Variants in SYNE1 observed in about 807,000 individuals in gnomAD.
The protein encoded by SYNE1 is nesprin-1.
Under a neutral mutation model 1,111.0 loss-of-function variants are expected in SYNE1, and 616 were observed. The observed-to-expected ratio is 0.55, with a 90% confidence interval of 0.52 to 0.59. The LOEUF (loss-of-function observed/expected upper bound fraction) is 0.59. Among genes scored for constraint, SYNE1 ranks in the 20% least tolerant of loss-of-function variants. The pLI, the probability that SYNE1 is intolerant of heterozygous loss-of-function variation, is 0.00. For missense variants in SYNE1, 10,006 were observed against 10,417.0 expected, an observed-to-expected ratio of 0.96 and a Z score of 1.72; for synonymous variants, 3,855 against 3,825.8, an observed-to-expected ratio of 1.01 and a Z score of -0.28.
intron 11 of SYNE1, among the ~76,000 whole-genome samples, chr6:152,489,296 A>G (rs2098957508): frequency 6.6e-6 from 1 of 152,172 alleles, no homozygotes; most frequent in African/African-American, 2.4e-5. Flanking sequence ...ATGCAACTCC[A>G]GCATCTCACT....
In SYNE1 at chr6:152,625,748, T is replaced by C. The variant is rs368799666; in HGVS notation, c.67+2517A>G. Among the ~76,000 whole-genome samples the C allele has an allele frequency of 4.5e-4, 69 of 152,266 alleles. No homozygotes were observed. The East Asian group carries it at 0.012, about 27-fold the overall frequency. ...GAGTGTACAAAACTATTAACATTCC[T>C]CCAAAAATCCGGATAGTTAGAAAAA... On this transcript the variant is annotated intron_variant, in intron 3 of 145. Coordinates refer to ENST00000367255, the MANE Select transcript of SYNE1 (RefSeq NM_182961.4).
intron 3 of SYNE1, among the ~76,000 whole-genome samples, chr6:152,611,464 G>A (rs1341611394): frequency 1.3e-5 from 2 of 152,116 alleles, no homozygotes; most frequent in Admixed American, 1.3e-4. Flanking sequence ...AAATATATAT[G>A]CACCCAATAC....
At chr6:152,498,140 T>C (rs2099009852) in intron 11 of SYNE1, among the ~76,000 whole-genome samples, 1 of 152,232 alleles carries the variant, frequency 6.6e-6, no homozygotes, top group Admixed American at 6.5e-5. Flanking sequence ...ACCTGTGGCC[T>C]AGATGGAACA....
intron 128 of SYNE1, among the ~76,000 whole-genome samples, chr6:152,187,804 C>T (rs1030881829): frequency 1.3e-5 from 2 of 152,278 alleles, no homozygotes; most frequent in East Asian, 1.9e-4. Context: ...CAGCTCACTG[C>T]AACCTCCGGC....
At chr6:152,306,214 G>T (rs924854290) in intron 91 of SYNE1, among the ~76,000 whole-genome samples, 98 of 152,252 alleles carry the variant, frequency 6.4e-4, no homozygotes, top group African/African-American at 2.3e-3. Context: ...GGCCAGTCGT[G>T]GTGGCTCACT....
At chr6:152,397,763 G>A (rs1158465501) in intron 49 of SYNE1, among the ~76,000 whole-genome samples, 1 of 152,124 alleles carries the variant, frequency 6.6e-6, no homozygotes, top group Non-Finnish European at 1.5e-5. Context: ...CACTTTGAGA[G>A]GCCAAGGCGG....
chr6:152,250,071 G>A (rs4870087), intron 104 of SYNE1, among the ~76,000 whole-genome samples: 17 of 150,914 alleles, frequency 1.1e-4, no homozygotes, highest in Non-Finnish European at 1.9e-4. Context: ...AAGACCAGCC[G>A]GGGCAACACA....
At position 152,502,710 on chromosome 6, in the gene SYNE1, T is replaced by C. The variant is rs373660055; in HGVS notation, c.811A>G (p.Ile271Val). Residue 271 changes from isoleucine to valine, a missense_variant, in exon 10 of 146, where the codon ATT becomes GTT. Ile to Val is a conservative substitution (Grantham distance 29). Coordinates refer to ENST00000367255, the MANE Select transcript of SYNE1 (RefSeq NM_182961.4). ...AGAAACTGGGCTACATAGGTCATAA[T>C]AGATTTCTCATCTGGTTTATCCACA... Reference protein sequence around the residue: ...VDVDKPDEKSIMTYVAQFLKH... With the variant: ...VDVDKPDEKSVMTYVAQFLKH... 8 of 1,613,666 alleles carry C rather than the reference T, an allele frequency of 5.0e-6. No homozygotes were observed. Among genetic ancestry groups the C allele is most frequent in the African/African-American group, 1.3e-5 (1 of 74,912 alleles).
chr6:152,160,618 C>T (rs1471248251), intron 131 of SYNE1, among the ~76,000 whole-genome samples: 1 of 152,142 alleles, frequency 6.6e-6, no homozygotes, highest in Admixed American at 6.5e-5. Context: ...TTTCCTCTCA[C>T]TTTCATGTAT....
intron 100 of SYNE1, among the ~76,000 whole-genome samples, chr6:152,267,187 T>C (rs2092796680): frequency 6.6e-6 from 1 of 152,206 alleles, no homozygotes. Flanking sequence ...TCCTCCTTTA[T>C]GTTACTTCCC....
intron 38 of SYNE1, 89 bp downstream of exon 38, chr6:152,427,604 T>C (rs746530905): frequency 1.3e-6 from 2 of 1,487,986 alleles, no homozygotes; most frequent in Non-Finnish European, 1.9e-6. Flanking sequence ...AGAAGGGAGG[T>C]ACAAGTTTAT....
rs1270880264 is a variant in SYNE1 at position 152,520,485 on chromosome 6, C to T, written c.283G>A (p.Ala95Thr). ...TTTCTTCCTTCGAGGAACTTGAGTG[C>T]CGTGCCAATGTTAGCCACAGCATGG... ...RIHAVANIGTALKFLEGRKIK... is the reference protein window; with the variant it reads ...RIHAVANIGTTLKFLEGRKIK... Residue 95 changes from alanine (A) to threonine (T), a missense_variant, in exon 6 of 146, where the codon GCA (alanine) becomes ACA (threonine). Ala to Thr is a moderately conservative substitution (Grantham distance 58). Coordinates refer to ENST00000367255, the MANE Select transcript of SYNE1 (RefSeq NM_182961.4). The T allele has an allele frequency of 4.3e-6, 7 of 1,613,572 alleles. No homozygotes were observed. Among genetic ancestry groups the T allele is most frequent in the South Asian group, 1.1e-5 (1 of 91,072 alleles).
chr6:152,154,746 C>T, intron 133 of SYNE1, 146 bp downstream of exon 133: 2 of 868,136 alleles, frequency 2.3e-6, no homozygotes, highest in Non-Finnish European at 3.8e-6. Context: ...CGTATGAGGT[C>T]ATAATAAAGA....
At position 152,382,978 on chromosome 6, in the gene SYNE1, C is replaced by T. The variant is rs558174160; in HGVS notation, c.8653-1616G>A. On this transcript the variant is annotated intron_variant, in intron 55 of 145. Transcript: ENST00000367255. ...CATATGTACATTCCCGCCCTCACAC[C>T]CATATACATTTTGCTTTAGAGTTGC... Among the ~76,000 whole-genome samples, 3 of 152,312 alleles carry T rather than the reference C, an allele frequency of 2.0e-5. No homozygotes were observed. The East Asian group carries it at 5.8e-4, about 29-fold the overall frequency.
chr6:152,308,863 G>A (rs574225592), intron 90 of SYNE1, among the ~76,000 whole-genome samples: 21 of 152,286 alleles, frequency 1.4e-4, no homozygotes, highest in African/African-American at 4.8e-4. Flanking sequence ...TAAGTGGTTA[G>A]GATTCTTTCT....
In SYNE1 at chr6:152,153,962, G is replaced by T. The variant is rs368296604; in HGVS notation, c.24129+930C>A. On this transcript the variant is annotated intron_variant, in intron 133 of 145. Coordinates refer to ENST00000367255, the MANE Select transcript of SYNE1 (RefSeq NM_182961.4). Reference sequence around the variant, plus strand: ...AGAAAATGCCTGGTTACCTGATGTTGCAAGGTAAAAATGAATGCAGCTACA... The same window carrying T: ...AGAAAATGCCTGGTTACCTGATGTTTCAAGGTAAAAATGAATGCAGCTACA... Among the ~76,000 whole-genome samples, 20 of 152,278 alleles carry T rather than the reference G, an allele frequency of 1.3e-4. No individual in the cohort carries two copies. In the East Asian group the frequency reaches 3.3e-3, roughly 25 times the overall value.
chr6:152,350,831 C>A, intron 70 of SYNE1, 61 bp from the exon 71 acceptor site: 2 of 1,596,302 alleles, frequency 1.3e-6, no homozygotes, highest in South Asian at 2.2e-5. Flanking sequence ...TGAATACATA[C>A]ATATTCCCAT....
At chr6:152,390,793 T>C (rs2097602019) in intron 52 of SYNE1, among the ~76,000 whole-genome samples, 1 of 152,218 alleles carries the variant, frequency 6.6e-6, no homozygotes, top group Admixed American at 6.5e-5. Flanking sequence ...ATTAATTGGC[T>C]GGCTAATTTC....
At chr6:152,310,307 G>T in intron 89 of SYNE1, 89 bp downstream of exon 89, 1 of 1,539,356 alleles carries the variant, frequency 6.5e-7, no homozygotes, top group Non-Finnish European at 8.9e-7. Context: ...AAATAAAACA[G>T]TGTTGAGTTT....
Sources: gnomAD v4.1 joint callset for allele counts (sites outside exome capture counted in the v4.1 genomes callset) on GRCh38, gnomAD v4.1.1 for gene constraint, MANE v1.5 for transcripts, NCBI Gene and HGNC (gene_info 2026-07-23, HGNC 2026-07-21) for gene names.